Variants in PPFIA2 observed in about 807,000 individuals in gnomAD.
The protein encoded by PPFIA2 is PPFI scaffold protein A2, also known as liprin-alpha-2.
Under a neutral mutation model 175.5 loss-of-function variants are expected in PPFIA2, and 46 were observed. The observed-to-expected ratio is 0.26, with a 90% CI of 0.21 to 0.34. PPFIA2 has a LOEUF of 0.34. PPFIA2 is among the 10% of genes least tolerant of loss of function. The pLI is 1.00. For synonymous variants in PPFIA2, 568 were observed against 511.4 expected, an observed-to-expected ratio of 1.11 and a Z score of -1.49; for missense variants, 1,179 against 1,506.1, an observed-to-expected ratio of 0.78 and a Z score of 3.60.
intron 7 of PPFIA2, among the ~76,000 whole-genome samples, chr12:81,435,351 C>A (rs2048786716): frequency 6.6e-6 from 1 of 152,102 alleles, no homozygotes; most frequent in African/African-American, 2.4e-5. Context: ...TGTGGCAATG[C>A]CAAAGGGATG....
chr12:81,650,433 A>G (rs12824441), intron 4 of PPFIA2, among the ~76,000 whole-genome samples: 46,156 of 152,084 alleles, frequency 0.3, 8,980 homozygotes, highest in African/African-American at 0.56. Flanking sequence ...AGGATTTTCA[A>G]AAATAATTTG....
intron 3 of PPFIA2, among the ~76,000 whole-genome samples, chr12:81,736,397 A>G (rs976991655): frequency 5.9e-5 from 9 of 152,014 alleles, no homozygotes; most frequent in African/African-American, 2.2e-4. Context: ...TTTATCTTTT[A>G]TCCTGTGACC....
rs574727494 is a variant in PPFIA2 at position 81,418,035 on chromosome 12, T to C, written c.646-12132A>G. 6.6e-5 allele frequency among the ~76,000 whole-genome samples: 10 copies of C among 151,940 alleles called. No homozygotes were observed. The East Asian group carries it at 1.9e-3, about 29-fold the overall frequency. ...TCTTTATGCCAACCACAGTTTTACGTTGTTTGAATGTATTAATTAATTTAA... is the reference window on the plus strand; with the variant it reads ...TCTTTATGCCAACCACAGTTTTACGCTGTTTGAATGTATTAATTAATTTAA... On this transcript the variant is annotated intron_variant, in intron 7 of 32. Coordinates refer to ENST00000549396, the MANE Select transcript of PPFIA2 (RefSeq NM_003625.5).
intron 8 of PPFIA2, among the ~76,000 whole-genome samples, chr12:81,390,199 T>C (rs1438064765): frequency 6.6e-6 from 1 of 152,072 alleles, no homozygotes; most frequent in African/African-American, 2.4e-5. Context: ...TGAGGGACAT[T>C]AACGTTGTGT....
intron 4 of PPFIA2, among the ~76,000 whole-genome samples, chr12:81,651,342 C>G (rs540914644): frequency 1.3e-5 from 2 of 152,140 alleles, no homozygotes; most frequent in South Asian, 4.2e-4. Context: ...CTGTTCTAAT[C>G]TATTAAGATG....
intron 4 of PPFIA2, among the ~76,000 whole-genome samples, chr12:81,591,206 G>A (rs918319125): frequency 1.3e-5 from 2 of 152,024 alleles, no homozygotes; most frequent in Non-Finnish European, 2.9e-5. Flanking sequence ...AAAGATTTGT[G>A]GAACTTTGAA....
intron 4 of PPFIA2, among the ~76,000 whole-genome samples, chr12:81,525,170 A>G (rs1052106978): frequency 3.9e-5 from 6 of 152,200 alleles, no homozygotes; most frequent in African/African-American, 1.4e-4. Context: ...GATAGAGTCA[A>G]TTTGGCTCCT....
chr12:81,290,738 C>T (rs2044708703), intron 24 of PPFIA2, among the ~76,000 whole-genome samples: 1 of 151,690 alleles, frequency 6.6e-6, no homozygotes. Flanking sequence ...AAAATAGCAA[C>T]ACAACACAAT....
At chr12:81,737,904 A>G (rs1245127159) in intron 3 of PPFIA2, among the ~76,000 whole-genome samples, 1 of 151,854 alleles carries the variant, frequency 6.6e-6, no homozygotes, top group Non-Finnish European at 1.5e-5. Context: ...AGGAAGTGGC[A>G]TTCCAAAATG....
chr12:81,505,727 T>C (rs1167732099), intron 4 of PPFIA2: 2 of 152,234 alleles, frequency 1.3e-5, no homozygotes, highest in African/African-American at 2.4e-5. Flanking sequence ...GAGCCACATG[T>C]ACCAGCTTCT....
intron 4 of PPFIA2, among the ~76,000 whole-genome samples, chr12:81,564,607 T>C (rs369440090): frequency 1.3e-4 from 20 of 152,322 alleles, no homozygotes; most frequent in East Asian, 1.2e-3. Context: ...GTGAACTGTT[T>C]AGAGAGTTAT....
chr12:81,314,129 A>G (rs1383189993), intron 22 of PPFIA2, among the ~76,000 whole-genome samples: 2 of 151,924 alleles, frequency 1.3e-5, no homozygotes, highest in African/African-American at 4.8e-5. Context: ...AATGTTAAGA[A>G]TTTCACCTCA....
chr12:81,636,658 T>A (rs1429210582), intron 4 of PPFIA2, among the ~76,000 whole-genome samples: 1 of 152,068 alleles, frequency 6.6e-6, no homozygotes. Flanking sequence ...TGGTTTGTTT[T>A]GTTTTTTGTT....
chr12:81,300,676 C>T (rs915406932), intron 22 of PPFIA2, among the ~76,000 whole-genome samples: 5 of 152,146 alleles, frequency 3.3e-5, no homozygotes, highest in South Asian at 4.1e-4. Flanking sequence ...GATACTCGTG[C>T]TCTGAATCTA....
chr12:81,302,515 C>T (rs1232711505), intron 22 of PPFIA2, among the ~76,000 whole-genome samples: 2 of 152,084 alleles, frequency 1.3e-5, no homozygotes, highest in African/African-American at 2.4e-5. Flanking sequence ...TAATAGCAGT[C>T]TAAGAAAATG....
intron 4 of PPFIA2, among the ~76,000 whole-genome samples, chr12:81,660,450 A>G (rs2068615829): frequency 6.6e-6 from 1 of 152,196 alleles, no homozygotes; most frequent in Non-Finnish European, 1.5e-5. Flanking sequence ...GGTATCAGCG[A>G]TGGAAGATGA....
chr12:81,411,641 TCCTTGCCTGTGAACAA>T (rs1398795934), intron 7 of PPFIA2, among the ~76,000 whole-genome samples: 1 of 152,072 alleles, frequency 6.6e-6, no homozygotes, highest in African/African-American at 2.4e-5. Flanking sequence ...CTCTTCTAGC[TCCTTGCCTGTGAACAA>T]CTGTTTTTCT....
At chr12:81,732,669 G>C (rs1217544050) in intron 3 of PPFIA2, among the ~76,000 whole-genome samples, 2 of 151,420 alleles carry the variant, frequency 1.3e-5, no homozygotes, top group East Asian at 3.9e-4. Flanking sequence ...GAAGGAAAAA[G>C]AGGAAATAAA....
intron 4 of PPFIA2, among the ~76,000 whole-genome samples, chr12:81,477,193 C>T (rs537349728): frequency 6.6e-6 from 1 of 151,426 alleles, no homozygotes; most frequent in South Asian, 2.1e-4. Flanking sequence ...ACATACTGTA[C>T]ATGTACCCTG....
Sources: gnomAD v4.1 joint callset for allele counts (sites outside exome capture counted in the v4.1 genomes callset) on GRCh38, gnomAD v4.1.1 for gene constraint, MANE v1.5 for transcripts, NCBI Gene and HGNC (gene_info 2026-07-23, HGNC 2026-07-21) for gene names.